ATRNL1: variants seen among roughly 807,000 people sequenced by gnomAD.
ATRNL1 encodes the protein attractin-like protein 1.
A neutral mutation model predicts 182.7 loss-of-function variants in ATRNL1; 95 were observed. That is an observed-to-expected ratio of 0.52 (90% CI 0.44 to 0.62). ATRNL1 has a LOEUF of 0.62. Among genes scored for constraint, ATRNL1 ranks in the 20% least tolerant of loss-of-function variants. The probability of loss-of-function intolerance (pLI) is 0.00; values close to 1 mark genes in which losing one functional copy is unlikely to be tolerated. For synonymous variants in ATRNL1, 576 were observed against 568.3 expected, an observed-to-expected ratio of 1.01 and a Z score of -0.19; for missense variants, 1,471 against 1,679.5, an observed-to-expected ratio of 0.88 and a Z score of 2.17.
intron 26 of ATRNL1, among the ~76,000 whole-genome samples, chr10:115,575,770 ACT>A (rs1168585649): frequency 4.6e-5 from 7 of 151,836 alleles, no homozygotes; most frequent in Non-Finnish European, 1.0e-4. Context: ...CCTGAAATCT[ACT>A]CTCTTAGCAA....
intron 8 of ATRNL1, among the ~76,000 whole-genome samples, chr10:115,178,277 G>T (rs1301232932): frequency 2.0e-5 from 3 of 152,070 alleles, no homozygotes; most frequent in Non-Finnish European, 4.4e-5. Flanking sequence ...GGGTTATCAA[G>T]TGCTTAGGTG....
chr10:115,389,463 A>G (rs560236232), intron 19 of ATRNL1, among the ~76,000 whole-genome samples: 2 of 145,974 alleles, frequency 1.4e-5, no homozygotes, highest in African/African-American at 5.0e-5. Flanking sequence ...CAGTGAGCCA[A>G]GATTGCGCCA....
At chr10:115,213,225 T>C (rs1167696750) in intron 8 of ATRNL1, among the ~76,000 whole-genome samples, 1 of 152,100 alleles carries the variant, frequency 6.6e-6, no homozygotes, top group East Asian at 1.9e-4. Flanking sequence ...GGTTCTATTT[T>C]AAATCTTTTA....
At chr10:115,161,127 T>C (rs556326385) in intron 6 of ATRNL1, among the ~76,000 whole-genome samples, 2 of 152,160 alleles carry the variant, frequency 1.3e-5, no homozygotes, top group Admixed American at 1.3e-4. Context: ...CAAATTTAAC[T>C]GGGTATCTTG....
At chr10:115,594,996 A>T (rs762808956) in intron 26 of ATRNL1, among the ~76,000 whole-genome samples, 2 of 152,206 alleles carry the variant, frequency 1.3e-5, no homozygotes, top group Non-Finnish European at 2.9e-5. Context: ...CAGTAAACAA[A>T]TCAGAAATAT....
chr10:115,102,836 G>C (rs2143443383), intron 1 of ATRNL1, among the ~76,000 whole-genome samples: 1 of 152,174 alleles, frequency 6.6e-6, no homozygotes, highest in African/African-American at 2.4e-5. Context: ...AGAACTGTTT[G>C]TCAATTAAAA....
chr10:115,443,239 G>A lies in ATRNL1; in HGVS notation c.3322+16937G>A, dbSNP rs528883012. Among the ~76,000 whole-genome samples, 4 of 151,946 alleles carry A rather than the reference G, an allele frequency of 2.6e-5. No homozygotes were observed. The South Asian group carries it at 8.3e-4, about 32-fold the overall frequency. On this transcript the variant is annotated intron_variant, in intron 21 of 28. Transcript: ENST00000355044. Reference sequence around the variant, plus strand: ...TATTCTGTTGATGATTTATAGTGATGCCATTAATGACAAATTTTTGGTCTC... The same window carrying A: ...TATTCTGTTGATGATTTATAGTGATACCATTAATGACAAATTTTTGGTCTC...
chr10:115,766,420 G>T (rs1203687959), intron 27 of ATRNL1, among the ~76,000 whole-genome samples: 4 of 152,172 alleles, frequency 2.6e-5, no homozygotes, highest in African/African-American at 9.7e-5. Context: ...AATGTCCCTT[G>T]TTAAGAAGCA....
chr10:115,603,836 G>A (rs1414782097), intron 26 of ATRNL1, among the ~76,000 whole-genome samples: 1 of 152,114 alleles, frequency 6.6e-6, no homozygotes, highest in Non-Finnish European at 1.5e-5. Context: ...CATTAGTTCA[G>A]ATAGGCTGGC....
chr10:115,519,162 T>C (rs1337930451), intron 24 of ATRNL1, 101 bp from the exon 25 acceptor site: 1 of 958,618 alleles, frequency 1.0e-6, no homozygotes, highest in East Asian at 2.6e-5. Flanking sequence ...GATCCAAATG[T>C]CTTGGTGATT....
intron 25 of ATRNL1, among the ~76,000 whole-genome samples, chr10:115,528,723 G>A (rs1008978824): frequency 1.3e-5 from 2 of 151,770 alleles, no homozygotes; most frequent in African/African-American, 2.4e-5. Context: ...GTTAAGTTGC[G>A]TATTTGAGAT....
intron 26 of ATRNL1, among the ~76,000 whole-genome samples, chr10:115,623,986 AT>A (rs1857935736): frequency 1.3e-5 from 2 of 152,172 alleles, no homozygotes; most frequent in Admixed American, 6.5e-5. Flanking sequence ...TGTAAAAAAA[AT>A]GAATATAGTC....
At chr10:115,269,271 G>C (rs752519834) in intron 13 of ATRNL1, among the ~76,000 whole-genome samples, 1 of 152,102 alleles carries the variant, frequency 6.6e-6, no homozygotes, top group African/African-American at 2.4e-5. Flanking sequence ...TTATGTAGAA[G>C]ATATCAACAA....
At chr10:115,389,567 T>TATATAC (rs1843895524) in intron 19 of ATRNL1, among the ~76,000 whole-genome samples, 1 of 117,670 alleles carries the variant, frequency 8.5e-6, no homozygotes, top group Non-Finnish European at 1.8e-5. Flanking sequence ...TATATATATA[T>TATATAC]ATATATATAT....
chr10:115,286,242 C>A lies in ATRNL1; in HGVS notation c.2260C>A (p.His754Asn). ...PAHLCGEGWS[H>N]IGDACLRVNS... Reference sequence around the variant, plus strand: ...TCATCTTTGTGGAGAAGGATGGAGTCATATTGGGGATGCTTGTCTTAGAGT... The same window carrying A: ...TCATCTTTGTGGAGAAGGATGGAGTAATATTGGGGATGCTTGTCTTAGAGT... The change falls in exon 15 of 29, where the codon CAT becomes AAT. Residue 754 changes from histidine to asparagine, a missense_variant. His to Asn is a moderately conservative substitution (Grantham distance 68). This residue lies in a region of ATRNL1 where 1,031 missense variants were observed against 1,156.0 expected (regional missense o/e 0.89). Transcript: ENST00000355044. 1.9e-6 allele frequency: 3 copies of A among 1,589,608 alleles called. No homozygotes were observed. Among genetic ancestry groups the A allele is most frequent in the South Asian group, 2.2e-5 (2 of 89,674 alleles).
At chr10:115,339,787 A>T (rs115266755) in intron 19 of ATRNL1, among the ~76,000 whole-genome samples, 1,965 of 152,254 alleles carry the variant, frequency 0.013, 36 homozygotes, top group African/African-American at 0.044. Context: ...TCCAGATTTT[A>T]GAAGAAAGCC....
chr10:115,684,757 A>C (rs1659228309), intron 26 of ATRNL1, among the ~76,000 whole-genome samples: 1 of 151,688 alleles, frequency 6.6e-6, no homozygotes, highest in African/African-American at 2.4e-5. Flanking sequence ...GGTAAATTCA[A>C]TCAGATAATT....
At chr10:115,163,237 A>AT (rs1335950510) in intron 6 of ATRNL1, among the ~76,000 whole-genome samples, 3 of 151,868 alleles carry the variant, frequency 2.0e-5, no homozygotes, top group Non-Finnish European at 4.4e-5. Flanking sequence ...AAACTGCAGA[A>AT]TAGGGGCTCA....
chr10:115,669,405 G>C (rs1945624850), intron 26 of ATRNL1, among the ~76,000 whole-genome samples: 1 of 152,052 alleles, frequency 6.6e-6, no homozygotes, highest in African/African-American at 2.4e-5. Flanking sequence ...CCACATTACT[G>C]TGATATTTCA....
Sources: gnomAD v4.1 joint callset for allele counts (sites outside exome capture counted in the v4.1 genomes callset) on GRCh38, gnomAD v4.1.1 for gene constraint, gnomAD v4.1.1 regional missense constraint, MANE v1.5 for transcripts, NCBI Gene and HGNC (gene_info 2026-07-23, HGNC 2026-07-21) for gene names.